HTR1F: variants seen among roughly 807,000 people sequenced by gnomAD.
HTR1F encodes the protein 5-hydroxytryptamine receptor 1F, also known as 5-hydroxytryptamine (serotonin) receptor 1F, G protein-coupled.
Under a neutral mutation model 24.0 loss-of-function variants are expected in HTR1F, and 17 were observed. The ratio of observed to expected loss-of-function variants is 0.71; its 90% confidence interval spans 0.48 to 1.06. The LOEUF (loss-of-function observed/expected upper bound fraction) is 1.06, where lower values mean the gene tolerates loss of function less well. Ranked by LOEUF, HTR1F falls within the 50% of genes least tolerant of loss-of-function variation. The pLI, the probability that HTR1F is intolerant of heterozygous loss-of-function variation, is 0.00. For missense variants in HTR1F, 391 were observed against 427.8 expected (o/e 0.91, Z 0.76); for synonymous variants, 186 against 156.8 (o/e 1.19, Z -1.39).
chr3:87,864,804 G>A (rs1235947237), intron 2 of HTR1F, among the ~76,000 whole-genome samples: 3 of 151,388 alleles, frequency 2.0e-5, no homozygotes, highest in Non-Finnish European at 4.4e-5. Flanking sequence ...CCTGAGGCAG[G>A]AGAATCGCTT....
At chr3:87,946,581 T>C (rs1704710724) in intron 2 of HTR1F, among the ~76,000 whole-genome samples, 4 of 150,736 alleles carry the variant, frequency 2.7e-5, no homozygotes, top group Admixed American at 2.6e-4. Context: ...GATGAAAAGA[T>C]AGAGGTAATT....
chr3:87,974,278 A>G (rs1705346214), intron 2 of HTR1F, among the ~76,000 whole-genome samples: 1 of 152,010 alleles, frequency 6.6e-6, no homozygotes, highest in Non-Finnish European at 1.5e-5. Flanking sequence ...GCTTCTGCTG[A>G]TATCTCAGCA....
intron 2 of HTR1F, among the ~76,000 whole-genome samples, chr3:87,980,859 G>T (rs1370605688): frequency 2.0e-5 from 3 of 152,186 alleles, no homozygotes; most frequent in African/African-American, 7.2e-5. Flanking sequence ...AAATGAGAGT[G>T]GGTGCTGGGA....
chr3:87,843,024 A>G (rs1302244571), intron 2 of HTR1F, among the ~76,000 whole-genome samples: 1 of 151,910 alleles, frequency 6.6e-6, no homozygotes, highest in African/African-American at 2.4e-5. Flanking sequence ...TGTGACCTCT[A>G]TCTTCAAAGC....
intron 2 of HTR1F, among the ~76,000 whole-genome samples, chr3:87,917,869 A>G (rs1165674835): frequency 6.6e-6 from 1 of 152,078 alleles, no homozygotes; most frequent in Non-Finnish European, 1.5e-5. Flanking sequence ...AAATCATTCT[A>G]TGAAGCCAGT....
At chr3:87,926,497 T>C (rs1388165665) in intron 2 of HTR1F, among the ~76,000 whole-genome samples, 1 of 152,218 alleles carries the variant, frequency 6.6e-6, no homozygotes, top group Non-Finnish European at 1.5e-5. Context: ...GAGCCTATTT[T>C]GATGAGATAT....
chr3:87,918,351 T>C (rs1468944571), intron 2 of HTR1F, among the ~76,000 whole-genome samples: 1 of 152,096 alleles, frequency 6.6e-6, no homozygotes, highest in Non-Finnish European at 1.5e-5. Context: ...TTCAACACAG[T>C]ACTGGAAGTC....
At chr3:87,882,001 A>G (rs1705814202) in intron 2 of HTR1F, among the ~76,000 whole-genome samples, 1 of 152,214 alleles carries the variant, frequency 6.6e-6, no homozygotes. Context: ...ATGAACTCAA[A>G]CAAATTTACA....
rs113629562 is a variant in HTR1F at position 87,956,089 on chromosome 3, A to G, written c.-42-34619A>G. Reference sequence around the variant, plus strand: ...CAAATTTAATGATTTTTCTTCCACTATAATTTGTATTCCTTTATACTAAGA... The same window carrying G: ...CAAATTTAATGATTTTTCTTCCACTGTAATTTGTATTCCTTTATACTAAGA... On this transcript the variant is annotated intron_variant, in intron 2 of 2. Transcript: ENST00000319595. Among the ~76,000 whole-genome samples the G allele has an allele frequency of 4.5e-3, 677 of 151,490 alleles. 7 individuals carry two copies. The highest frequency in any genetic ancestry group is 0.015 in the African/African-American group (636 of 41,486).
At chr3:87,855,266 A>G (rs1049737631) in intron 2 of HTR1F, among the ~76,000 whole-genome samples, 2 of 151,872 alleles carry the variant, frequency 1.3e-5, no homozygotes, top group African/African-American at 4.8e-5. Context: ...CTGTTTAACT[A>G]CTCTTTGGCC....
At chr3:87,858,899 G>A (rs1486674301) in intron 2 of HTR1F, among the ~76,000 whole-genome samples, 1 of 152,096 alleles carries the variant, frequency 6.6e-6, no homozygotes, top group Non-Finnish European at 1.5e-5. Context: ...CCTTTGTTGA[G>A]TTTAAGAAAT....
chr3:87,795,154 A>T (rs771986944), intron 1 of HTR1F, among the ~76,000 whole-genome samples: 78 of 151,950 alleles, frequency 5.1e-4, no homozygotes, highest in Non-Finnish European at 8.8e-4. Context: ...CACCCAGCTA[A>T]TTTGTATTTT....
In HTR1F at chr3:87,849,559, A is replaced by T. The variant is rs1705032261; in HGVS notation, c.-43+27435A>T. ...GGACATAGGCATGGGCAAGGACTTCATGTATAAAACACCAAAAGCAATGGC... is the reference window on the plus strand; with the variant it reads ...GGACATAGGCATGGGCAAGGACTTCTTGTATAAAACACCAAAAGCAATGGC... On this transcript the variant is annotated intron_variant, in intron 2 of 2. Coordinates refer to ENST00000319595, the MANE Select transcript of HTR1F (RefSeq NM_001322209.2). Among the ~76,000 whole-genome samples, 5 of 151,988 alleles carry T rather than the reference A, an allele frequency of 3.3e-5. No individual in the cohort carries two copies. In the South Asian group the frequency reaches 1.0e-3, roughly 31 times the overall value.
chr3:87,822,807 A>G (rs1704385011), intron 2 of HTR1F, among the ~76,000 whole-genome samples: 1 of 152,204 alleles, frequency 6.6e-6, no homozygotes, highest in African/African-American at 2.4e-5. Flanking sequence ...CAACATAATA[A>G]ATGTTACTCT....
chr3:87,952,691 T>C (rs1478574658), intron 2 of HTR1F, among the ~76,000 whole-genome samples: 2 of 151,992 alleles, frequency 1.3e-5, no homozygotes, highest in Non-Finnish European at 2.9e-5. Context: ...AAATCATTAA[T>C]GCATAGAATA....
chr3:87,860,018 T>C (rs568092429), intron 2 of HTR1F, among the ~76,000 whole-genome samples: 2 of 152,320 alleles, frequency 1.3e-5, no homozygotes, highest in East Asian at 3.9e-4. Flanking sequence ...GAGCATTTAA[T>C]TTTCACTACA....
At chr3:87,833,996 A>G (rs962983854) in intron 2 of HTR1F, among the ~76,000 whole-genome samples, 2 of 152,176 alleles carry the variant, frequency 1.3e-5, no homozygotes, top group African/African-American at 4.8e-5. Flanking sequence ...AAATATATAG[A>G]TTGGCTGCTC....
intron 2 of HTR1F, among the ~76,000 whole-genome samples, chr3:87,856,753 A>G (rs1705207336): frequency 1.3e-5 from 2 of 152,164 alleles, no homozygotes; most frequent in Admixed American, 1.3e-4. Context: ...ATGTATGCCC[A>G]TGTAAATATG....
intron 2 of HTR1F, among the ~76,000 whole-genome samples, chr3:87,849,589 A>C (rs993406494): frequency 1.3e-5 from 2 of 151,962 alleles, no homozygotes; most frequent in African/African-American, 4.9e-5. Context: ...AATGGCAACA[A>C]AAGACAAAAT....
Sources: gnomAD v4.1 joint callset for allele counts (sites outside exome capture counted in the v4.1 genomes callset) on GRCh38, gnomAD v4.1.1 for gene constraint, MANE v1.5 for transcripts, NCBI Gene and HGNC (gene_info 2026-07-23, HGNC 2026-07-21) for gene names.